The following SEC14L6 variants were observed in gnomAD, a reference collection of about 807,000 sequenced individuals.
SEC14L6 encodes SEC14-like protein 6.
SEC14L6 carries 40 observed loss-of-function variants against 54.1 expected under a neutral mutation model. The observed-to-expected ratio is 0.74, with a 90% CI of 0.57 to 0.96. The LOEUF (loss-of-function observed/expected upper bound fraction) is 0.96, where lower values mean the gene tolerates loss of function less well. Ranked by LOEUF, SEC14L6 falls within the 40% of genes least tolerant of loss-of-function variation. The pLI is 0.00. For synonymous variants in SEC14L6, 171 were observed against 198.4 expected (o/e 0.86, Z 1.16); for missense variants, 471 against 498.3 (o/e 0.95, Z 0.52).
rs148170279 is a variant in SEC14L6, at chr22:30,526,583, G to A, written c.665-651C>T. Among the ~76,000 whole-genome samples, 879 of 152,232 alleles carry A rather than the reference G, an allele frequency of 5.8e-3. 8 individuals carry two copies. The highest frequency in any genetic ancestry group is 0.027 in the Middle Eastern group (8 of 294). On this transcript the variant is annotated intron_variant, in intron 8 of 11. Coordinates refer to ENST00000402034, the MANE Select transcript of SEC14L6 (RefSeq NM_001193336.4). Reference sequence around the variant, plus strand: ...AATTTGGCATAAAAACAAAACACTAGGCTGGGCCTGGTGGTGCACTCCTGT... The same window carrying A: ...AATTTGGCATAAAAACAAAACACTAAGCTGGGCCTGGTGGTGCACTCCTGT...
At chr22:30,542,695 T>C in intron 1 of SEC14L6, 2 of 1,545,750 alleles carry the variant, frequency 1.3e-6, no homozygotes, top group Non-Finnish European at 8.8e-7. Context: ...GCCTGAGAAG[T>C]CTGTATCAGT....
intron 1 of SEC14L6, among the ~76,000 whole-genome samples, chr22:30,545,689 G>A (rs2085791334): frequency 6.6e-6 from 1 of 152,190 alleles, no homozygotes; most frequent in Admixed American, 6.5e-5. Context: ...CCGCCTCAAA[G>A]TGCGGGGATT....
In SEC14L6 at chr22:30,523,737, A is replaced by G. The variant is rs934936630; in HGVS notation, c.*1260T>C. 1 of 152,164 alleles carries G rather than the reference A, an allele frequency of 6.6e-6. No individual in the cohort carries two copies. The highest frequency in any genetic ancestry group is 1.5e-5 in the Non-Finnish European group (1 of 68,024). 9.4% of individuals were successfully genotyped at this position (152,164 alleles called of 1,614,324 possible). A position where few individuals can be genotyped will look rare whatever the true frequency, so the allele number is the denominator to read the frequency against. On this transcript the variant is annotated 3_prime_UTR_variant, in exon 12 of 12. Transcript: ENST00000402034. The stretch of plus-strand genomic sequence containing the variant: ...TCAGATGCTATAACAGTGGGAGGGA[A>G]CGTGTATGTGGAAGACAGAATAGAG...
chr22:30,535,469 G>A (rs921766226), intron 2 of SEC14L6, among the ~76,000 whole-genome samples: 7 of 152,216 alleles, frequency 4.6e-5, no homozygotes, highest in South Asian at 2.1e-4. Context: ...TGCCAGTGGC[G>A]GGGAGAGAGT....
At chr22:30,528,948 G>A in intron 8 of SEC14L6, 139 bp downstream of exon 8, 2 of 706,952 alleles carry the variant, frequency 2.8e-6, no homozygotes, top group Non-Finnish European at 4.7e-6. Context: ...CAGCCCACCT[G>A]GCAGCCCACC....
chr22:30,525,663 C>T lies in SEC14L6; in HGVS notation c.859G>A (p.Gly287Ser), dbSNP rs1191148026. The T allele has an allele frequency of 1.2e-6, 2 of 1,611,728 alleles. No individual in the cohort carries two copies. The highest frequency in any genetic ancestry group is 2.2e-5 in the East Asian group (1 of 44,820). The change falls in exon 10 of 12, where the codon GGC becomes AGC. Residue 287 changes from glycine (G) to serine (S), a missense_variant. Coordinates refer to ENST00000402034, the MANE Select transcript of SEC14L6 (RefSeq NM_001193336.4). Reference sequence around the variant, plus strand: ...TCGTTCTCCACCTGCAGGGAGGAGCCGCGGCCCACGGACCTCGTGTGCTCA... The same window carrying T: ...TCGTTCTCCACCTGCAGGGAGGAGCTGCGGCCCACGGACCTCGTGTGCTCA... Reference protein sequence around the residue: ...QYEHTRSVGRGSSLQVENEIL... With the variant: ...QYEHTRSVGRSSSLQVENEIL...
At chr22:30,526,534 G>GA (rs1019427266) in intron 8 of SEC14L6, among the ~76,000 whole-genome samples, 1 of 152,110 alleles carries the variant, frequency 6.6e-6, no homozygotes, top group African/African-American at 2.4e-5. Context: ...GAAAGCGGTG[G>GA]AAAAATCAAA....
intron 1 of SEC14L6, among the ~76,000 whole-genome samples, chr22:30,544,685 C>T (rs542913032): frequency 8.5e-5 from 13 of 152,268 alleles, no homozygotes; most frequent in Non-Finnish European, 1.8e-4. Context: ...TCCCAAAGGA[C>T]TGGAGACAAA....
Position 30,529,304 on chromosome 22 carries a change from A to T in SEC14L6, c.565T>A (p.Leu189Ile). 6.5e-7 allele frequency: 1 copy of T among 1,550,354 alleles called. No individual in the cohort carries two copies. Among genetic ancestry groups the T allele is most frequent in the Non-Finnish European group, 8.7e-7 (1 of 1,146,908 alleles). Residue 189 changes from leucine to isoleucine, a missense_variant, in exon 7 of 12, where the codon TTA becomes ATA. Physicochemically the swap from Leu to Ile is conservative, Grantham distance 5 (BLOSUM62 2). Transcript: ENST00000402034. ...EANYPEILKS[L>I]IVVRAPKLFA... ...CTTTACTCACCTCTCACAACAATTA[A>T]ACTCTTCAAGATCTCAGGGTAATTT...
intron 1 of SEC14L6, chr22:30,543,742 T>A: frequency 6.3e-7 from 1 of 1,581,708 alleles, no homozygotes; most frequent in Non-Finnish European, 8.7e-7. Flanking sequence ...GGAGGCTCTC[T>A]ACCTCGTCCG....
chr22:30,541,510 T>A (rs1236738955), intron 1 of SEC14L6, among the ~76,000 whole-genome samples: 1 of 152,106 alleles, frequency 6.6e-6, no homozygotes, highest in Admixed American at 6.5e-5. Context: ...AATACAAAGA[T>A]TAGCCAGGTA....
At chr22:30,539,387 G>A (rs2085657643) in intron 1 of SEC14L6, among the ~76,000 whole-genome samples, 1 of 152,068 alleles carries the variant, frequency 6.6e-6, no homozygotes, top group Non-Finnish European at 1.5e-5. Flanking sequence ...CAAAAAAAAA[G>A]AACCTACTAC....
intron 8 of SEC14L6, 47 bp downstream of exon 8, chr22:30,529,040 C>T (rs1936875009): frequency 6.9e-7 from 1 of 1,451,834 alleles, no homozygotes; most frequent in Non-Finnish European, 9.5e-7. Context: ...GGACCACCCT[C>T]AGCTCAGGAT....
intron 1 of SEC14L6, chr22:30,543,409 C>G (rs1166283700): frequency 3.1e-6 from 5 of 1,604,836 alleles, no homozygotes; most frequent in Non-Finnish European, 3.4e-6. Context: ...ATTCTACCCC[C>G]AGAGACTACA....
In SEC14L6 at chr22:30,532,959, G is replaced by C. The variant is rs1018266737; in HGVS notation, c.175-103C>G. 4 of 1,529,184 alleles carry C rather than the reference G, an allele frequency of 2.6e-6. No homozygotes were observed. The African/African-American group carries it at 5.5e-5, about 21-fold the overall frequency. 94.7% of individuals were successfully genotyped at this position (1,529,184 alleles called of 1,614,324 possible). On this transcript the variant is annotated intron_variant, in intron 3 of 11. Coordinates refer to ENST00000402034, the MANE Select transcript of SEC14L6 (RefSeq NM_001193336.4). ...AGGTCCCTCTGCCTGCAACCACTAA[G>C]GGCCTGCCAGAGCATCCCCAGGCTC... is the stretch of plus-strand genomic sequence containing the variant.
At chr22:30,542,485 G>GCA in intron 1 of SEC14L6, 1 of 598,412 alleles carries the variant, frequency 1.7e-6, no homozygotes. Flanking sequence ...ACAAGTTTGC[G>GCA]CAAAGTGGAG....
At chr22:30,529,235 AC>A in intron 7 of SEC14L6, 53 bp downstream of exon 7, 1 of 1,545,958 alleles carries the variant, frequency 6.5e-7, no homozygotes, top group Non-Finnish European at 8.8e-7. Flanking sequence ...CCACCCGGTC[AC>A]CGCACATCCC....
chr22:30,537,609 G>C (rs1028448441), intron 2 of SEC14L6, among the ~76,000 whole-genome samples: 1 of 152,154 alleles, frequency 6.6e-6, no homozygotes, highest in Admixed American at 6.6e-5. Context: ...GTTTGAGAGA[G>C]AGCGAGCGAG....
At chr22:30,543,111 C>T in intron 1 of SEC14L6, 1 of 1,603,160 alleles carries the variant, frequency 6.2e-7, no homozygotes, top group Admixed American at 1.7e-5. Flanking sequence ...GAGACATCAG[C>T]CTGAAATGGT....
Sources: gnomAD v4.1 joint callset for allele counts (sites outside exome capture counted in the v4.1 genomes callset) on GRCh38, gnomAD v4.1.1 for gene constraint, MANE v1.5 for transcripts, NCBI Gene and HGNC (gene_info 2026-07-23, HGNC 2026-07-21) for gene names.